ZSWIM4: variants seen among roughly 807,000 people sequenced by gnomAD.
The protein encoded by ZSWIM4 is zinc finger SWIM-type containing 4, also known as zinc finger SWIM domain-containing protein 4.
In ZSWIM4, 62 loss-of-function variants were observed where a neutral mutation model predicts 102.5. That is an observed-to-expected ratio of 0.60 (90% CI 0.49 to 0.75). The LOEUF (loss-of-function observed/expected upper bound fraction) is 0.75, where lower values mean the gene tolerates loss of function less well. Ranked by LOEUF, ZSWIM4 falls within the 30% of genes least tolerant of loss-of-function variation. ZSWIM4 has a pLI of 0.00. For missense variants in ZSWIM4, 1,280 were observed against 1,529.6 expected, an observed-to-expected ratio of 0.84 and a Z score of 2.72; for synonymous variants, 652 against 674.5, an observed-to-expected ratio of 0.97 and a Z score of 0.52.
intron 3 of ZSWIM4, among the ~76,000 whole-genome samples, chr19:13,805,433 G>T (rs1006535387): frequency 6.6e-6 from 1 of 152,062 alleles, no homozygotes; most frequent in African/African-American, 2.4e-5. Flanking sequence ...TGGCCCCAGG[G>T]CTGGGTATGT....
At chr19:13,827,365 G>C (rs1356537796) in intron 12 of ZSWIM4, among the ~76,000 whole-genome samples, 1 of 151,558 alleles carries the variant, frequency 6.6e-6, no homozygotes, top group Admixed American at 6.6e-5. Flanking sequence ...AGCACTTTGG[G>C]AGGCCGATGC....
chr19:13,827,974 G>A (rs944520393), intron 12 of ZSWIM4, among the ~76,000 whole-genome samples: 1 of 152,182 alleles, frequency 6.6e-6, no homozygotes, highest in Non-Finnish European at 1.5e-5. Context: ...TATGAGGTGG[G>A]ATCTGGGGTA....
chr19:13,805,098 G>T lies in ZSWIM4; in HGVS notation c.662G>T (p.Arg221Leu). 3 of 1,604,012 alleles carry T rather than the reference G, an allele frequency of 1.9e-6. No individual in the cohort carries two copies. The highest frequency in any genetic ancestry group is 2.5e-6 in the Non-Finnish European group (3 of 1,179,940). ...ACTGAGGTGCTGCCCACTGCTCAGCGCTTGGCTGATGAGATCCTCCTGCTG... is the reference window on the plus strand; with the variant it reads ...ACTGAGGTGCTGCCCACTGCTCAGCTCTTGGCTGATGAGATCCTCCTGCTG... ...HHTEVLPTAQ[R>L]LADEILLLGS... is the part of the protein sequence containing the mutation. The change falls in exon 3 of 14, where the codon CGC becomes CTC. Residue 221 changes from arginine to leucine, a missense_variant. Coordinates refer to ENST00000590508, the MANE Select transcript of ZSWIM4 (RefSeq NM_001367834.3).
In ZSWIM4 at chr19:13,817,860, A is replaced by C. The variant is rs776829346; in HGVS notation, c.1808A>C (p.Tyr603Ser). 1.3e-6 allele frequency: 2 copies of C among 1,557,340 alleles called. No homozygotes were observed. Among genetic ancestry groups the C allele is most frequent in the East Asian group, 4.8e-5 (2 of 42,014 alleles). ...CAGCGGGCCCTGCCGGAGGGGCTGT[A>C]CGCCCAGGACAAGGTGGTGCGCAAC... Reference protein sequence around the residue: ...GQQRALPEGLYAQDKVVRNEE... With the variant: ...GQQRALPEGLSAQDKVVRNEE... The change falls in exon 9 of 14, where the codon TAC (tyrosine) becomes TCC (serine). Residue 603 changes from tyrosine to serine, a missense_variant. Transcript: ENST00000590508.
At chr19:13,806,985 G>C (rs1313588330) in intron 3 of ZSWIM4, among the ~76,000 whole-genome samples, 1 of 152,036 alleles carries the variant, frequency 6.6e-6, no homozygotes, top group African/African-American at 2.4e-5. Flanking sequence ...GTTTGATAAT[G>C]AATGGGTGGT....
rs1218525902 is a variant in ZSWIM4, at chr19:13,831,038, G to A, written c.3309G>A (p.Glu1103=). Residue 1103 remains glutamate (E), a synonymous_variant, in exon 14 of 14, where the codon GAG becomes GAA. Transcript: ENST00000590508. The part of the protein sequence containing the change: ...GKKKLMLLVR[E]RFG ...AGAAACTCATGCTTTTGGTGCGGGA[G>A]CGTTTTGGTTGAGGGACAGTGGGGT... is the stretch of plus-strand genomic sequence containing the variant. 2.5e-6 allele frequency: 4 copies of A among 1,590,884 alleles called. No homozygotes were observed. The highest frequency in any genetic ancestry group is 3.4e-6 in the Non-Finnish European group (4 of 1,170,130).
intron 1 of ZSWIM4, among the ~76,000 whole-genome samples, chr19:13,797,236 G>T (rs1974635931): frequency 6.6e-6 from 1 of 152,194 alleles, no homozygotes; most frequent in South Asian, 2.1e-4. Flanking sequence ...TGAGAAACTT[G>T]CCCAAGGTCA....
At chr19:13,801,784 G>A (rs1974777263) in intron 2 of ZSWIM4, among the ~76,000 whole-genome samples, 1 of 149,612 alleles carries the variant, frequency 6.7e-6, no homozygotes, top group African/African-American at 2.5e-5. Context: ...GAATACCCCT[G>A]CCTCGGCCTC....
At position 13,809,048 on chromosome 19, in the gene ZSWIM4, C is replaced by T; in HGVS notation, c.862-22C>T. The T allele has an allele frequency of 6.2e-7, 1 of 1,609,054 alleles. No individual in the cohort carries two copies. The highest frequency in any genetic ancestry group is 8.5e-7 in the Non-Finnish European group (1 of 1,176,428). The stretch of plus-strand genomic sequence containing the variant: ...CCCGGCGGACGCCCCAGCCCTTCCT[C>T]ACCACCCTGTCCCCGGCACAGGTGC... On this transcript the variant is annotated intron_variant, in intron 4 of 13. Coordinates refer to ENST00000590508, the MANE Select transcript of ZSWIM4 (RefSeq NM_001367834.3). The surrounding 1 kb of genome is among the most constrained non-coding windows in gnomAD (Gnocchi z 4.2).
chr19:13,805,270 G>T lies in ZSWIM4; in HGVS notation c.712+122G>T, dbSNP rs183039713. On this transcript the variant is annotated intron_variant, in intron 3 of 13. Transcript: ENST00000590508. ...GTTGTGGGGGCGGGGGGCGGAAAAC[G>T]CGCCATGGCCTGCATCATCTGAGGT... The T allele has an allele frequency of 9.2e-5, 80 of 865,108 alleles. No homozygotes were observed. In the Middle Eastern group the frequency reaches 9.6e-4, roughly 10 times the overall value. 53.6% of individuals were successfully genotyped at this position (865,108 alleles called of 1,614,324 possible).
rs1975744707 is a variant in ZSWIM4, at chr19:13,830,784, G to A, written c.3055G>A (p.Ala1019Thr). 5 of 1,604,802 alleles carry A rather than the reference G, an allele frequency of 3.1e-6. No individual in the cohort carries two copies. The highest frequency in any genetic ancestry group is 2.2e-5 in the South Asian group (2 of 90,208). ...GLGPLGARRAAKPLGADRAPL... is the reference protein window; with the variant it reads ...GLGPLGARRATKPLGADRAPL... ...GGGCCCCTTAGGGGCACGCCGGGCC[G>A]CCAAGCCACTGGGTGCCGACCGGGC... Residue 1019 changes from alanine (A) to threonine (T), a missense_variant, in exon 14 of 14, where the codon GCC becomes ACC. Coordinates refer to ENST00000590508, the MANE Select transcript of ZSWIM4 (RefSeq NM_001367834.3).
intron 2 of ZSWIM4, among the ~76,000 whole-genome samples, chr19:13,802,807 G>A (rs1974809822): frequency 6.6e-6 from 1 of 152,164 alleles, no homozygotes; most frequent in African/African-American, 2.4e-5. Context: ...TCGAACTCCT[G>A]GGCTCAAGAG....
At position 13,823,482 on chromosome 19, in the gene ZSWIM4, A is replaced by G. The variant is rs76549352; in HGVS notation, c.2197A>G (p.Met733Val). The change falls in exon 11 of 14, where the codon ATG (methionine) becomes GTG (valine). Residue 733 changes from methionine to valine, a missense_variant. Transcript: ENST00000590508. Reference protein sequence around the residue: ...ETRQCELASTMLTAAKGDPKW... With the variant: ...ETRQCELASTVLTAAKGDPKW... ...CCGCCAGTGTGAACTGGCTTCCACC[A>G]TGTTGACGGCCGCCAAGGGTGAGGC... is the stretch of plus-strand genomic sequence containing the variant. The G allele has an allele frequency of 0.027, 42,579 of 1,579,928 alleles. 741 individuals carry two copies. The highest frequency in any genetic ancestry group is 0.033 in the Non-Finnish European group (38,798 of 1,162,728).
In ZSWIM4 at chr19:13,804,922, C is replaced by A. The variant is rs764708225; in HGVS notation, c.486C>A (p.Leu162=). ...SVSCGCDNRD[L]FYCAHVVALS... ...GCTGCGGCTGTGACAACCGCGACCT[C>A]TTCTACTGTGCCCACGTGGTGGCCC... The change falls in exon 3 of 14, where the codon CTC becomes CTA. Residue 162 remains leucine, a synonymous_variant. Transcript: ENST00000590508. 1 of 1,613,616 alleles carries A rather than the reference C, an allele frequency of 6.2e-7. No homozygotes were observed.
At chr19:13,802,035 G>A (rs112850440) in intron 2 of ZSWIM4, among the ~76,000 whole-genome samples, 6 of 146,960 alleles carry the variant, frequency 4.1e-5, no homozygotes, top group African/African-American at 1.5e-4. Context: ...GAGTGCAGTG[G>A]CACAATCTCG....
intron 2 of ZSWIM4, among the ~76,000 whole-genome samples, chr19:13,804,007 G>C (rs180750450): frequency 6.7e-6 from 1 of 149,042 alleles, no homozygotes; most frequent in South Asian, 2.2e-4. Context: ...GATTACAGGC[G>C]CCCGCCACCA....
At chr19:13,796,174 A>C (rs1233186895) in intron 1 of ZSWIM4, among the ~76,000 whole-genome samples, 21 of 76,292 alleles carry the variant, frequency 2.8e-4, no homozygotes, top group Non-Finnish European at 3.8e-4. Flanking sequence ...CTCTTTTCCC[A>C]CCTTATCCCC....
chr19:13,831,354 G>T lies in ZSWIM4; in HGVS notation c.*304G>T. The T allele has an allele frequency of 3.2e-6, 1 of 312,768 alleles. No individual in the cohort carries two copies. Among genetic ancestry groups the T allele is most frequent in the African/African-American group, 2.2e-5 (1 of 46,196 alleles). 19.4% of individuals were successfully genotyped at this position (312,768 alleles called of 1,614,324 possible). On this transcript the variant is annotated 3_prime_UTR_variant, in exon 14 of 14. Coordinates refer to ENST00000590508, the MANE Select transcript of ZSWIM4 (RefSeq NM_001367834.3). Reference sequence around the variant, plus strand: ...GCAATAGGCAAACTCCCCTTACCCAGACTGGCTTGGGCTCCAGGAGGGAGG... The same window carrying T: ...GCAATAGGCAAACTCCCCTTACCCATACTGGCTTGGGCTCCAGGAGGGAGG...
At chr19:13,822,269 C>T (rs1975488834) in intron 10 of ZSWIM4, among the ~76,000 whole-genome samples, 1 of 151,654 alleles carries the variant, frequency 6.6e-6, no homozygotes, top group South Asian at 2.1e-4. Context: ...ATTTAGACAA[C>T]AGACTTTTCT....
Sources: gnomAD v4.1 joint callset for allele counts (sites outside exome capture counted in the v4.1 genomes callset) on GRCh38, gnomAD v4.1.1 for gene constraint, Gnocchi (gnomAD v3.1) non-coding constraint, MANE v1.5 for transcripts, NCBI Gene and HGNC (gene_info 2026-07-23, HGNC 2026-07-21) for gene names.